Variants in OPLAH observed in about 807,000 individuals in gnomAD.
OPLAH encodes 5-oxoprolinase, ATP-hydrolysing, also known as 5-oxoprolinase.
OPLAH carries 103 observed loss-of-function variants against 122.8 expected under a neutral mutation model. That is an observed-to-expected ratio of 0.84 (90% CI 0.71 to 0.99). The LOEUF (loss-of-function observed/expected upper bound fraction) is 0.99. Ranked by LOEUF, OPLAH falls within the 50% of genes least tolerant of loss-of-function variation. OPLAH has a pLI of 0.00. For synonymous variants in OPLAH, 875 were observed against 796.0 expected, an observed-to-expected ratio of 1.10 and a Z score of -1.67; for missense variants, 1,902 against 1,836.5, an observed-to-expected ratio of 1.04 and a Z score of -0.65.
At position 144,053,112 on chromosome 8, in the gene OPLAH, G is replaced by A. The variant is rs1433268947; in HGVS notation, c.2889C>T (p.Ala963=). ...MGHIQANAEL[A]VRDMLRAFGT... is the part of the protein sequence containing the mutation. ...CAAAGGCACGCAACATGTCTCGCAC[G>A]GCCAGCTCAGCGTTTGCCTGGCAGG... is the stretch of plus-strand genomic sequence containing the variant. The change falls in exon 21 of 27, where the codon GCC becomes GCT. Residue 963 remains alanine (A), a synonymous_variant. Coordinates refer to ENST00000618853, the MANE Select transcript of OPLAH (RefSeq NM_017570.5). The A allele has an allele frequency of 3.2e-5, 51 of 1,606,390 alleles. No individual in the cohort carries two copies. The highest frequency in any genetic ancestry group is 6.7e-5 in the African/African-American group (5 of 74,734).
At position 144,057,280 on chromosome 8, in the gene OPLAH, A is replaced by C. The variant is rs782712170; in HGVS notation, c.1463T>G (p.Phe488Cys). The change falls in exon 11 of 27, where the codon TTT becomes TGT. Residue 488 changes from phenylalanine to cysteine, a missense_variant. Physicochemically the swap from Phe to Cys is radical, Grantham distance 205 (BLOSUM62 -2). Around this residue, in one of 3 missense-constraint regions of OPLAH, gnomAD observed 1,726 missense variants for 1,642.1 expected, o/e 1.05. Coordinates refer to ENST00000618853, the MANE Select transcript of OPLAH (RefSeq NM_017570.5). The part of the protein sequence containing the change: ...HDPSAHVLAC[F>C]GGAGGQHACA... Reference sequence around the variant, plus strand: ...TGCATGCTGCCCACCAGCTCCCCCAAAGCAGGCCAGCACATGGGCTGAGGG... The same window carrying C: ...TGCATGCTGCCCACCAGCTCCCCCACAGCAGGCCAGCACATGGGCTGAGGG... The C allele has an allele frequency of 6.2e-7, 1 of 1,612,392 alleles. No individual in the cohort carries two copies. The highest frequency in any genetic ancestry group is 1.1e-5 in the South Asian group (1 of 91,038).
Position 144,058,105 on chromosome 8 carries a change from G to T in OPLAH, c.993C>A (p.His331Gln), listed in dbSNP as rs555485437. ...CGCCAGCTGTGCTGGCCTCGAAGAC[G>T]TGCTCGAATTCCCCAGCATAGCGGC... ...DVSRYAGEFE[H>Q]VFEASTAGVT... is the part of the protein sequence containing the mutation. Residue 331 changes from histidine to glutamine, a missense_variant, in exon 8 of 27, where the codon CAC becomes CAA. Transcript: ENST00000618853. 6.2e-7 allele frequency: 1 copy of T among 1,612,548 alleles called. No individual in the cohort carries two copies. The highest frequency in any genetic ancestry group is 8.5e-7 in the Non-Finnish European group (1 of 1,179,824).
rs572402707 is a variant in OPLAH at position 144,058,991 on chromosome 8, G to A, written c.452C>T (p.Thr151Met). Residue 151 changes from threonine (T) to methionine (M), a missense_variant, in exon 4 of 27, where the codon ACG (threonine) becomes ATG (methionine). By Grantham distance (81) the Thr-to-Met change is moderately conservative. Transcript: ENST00000618853. ...GGCGGCACACACACCTTTCACAGGC[G>A]TCCCGGTGCCCGCCTCTCCACGGTG... ...VLHRGEAGTG[T>M]PVKGRTGDLL... 1.4e-5 allele frequency: 22 copies of A among 1,564,516 alleles called. No individual in the cohort carries two copies. The highest frequency in any genetic ancestry group is 1.7e-4 in the Middle Eastern group (1 of 6,006).
downstream of OPLAH, chr8:144,051,075 C>A (rs1306662762): frequency 1.5e-6 from 2 of 1,329,108 alleles, no homozygotes; most frequent in Non-Finnish European, 1.9e-6. Flanking sequence ...GCTGGGCCTG[C>A]GGCACTGGGA....
At chr8:144,051,000 C>T (rs1835359483), downstream of OPLAH, 2 of 1,107,536 alleles carry the variant, frequency 1.8e-6, no homozygotes, top group African/African-American at 1.6e-5. Context: ...CGGCAGAAGC[C>T]GCCGAGCTAA....
Position 144,057,469 on chromosome 8 carries a change from C to A in OPLAH, c.1401G>T (p.Arg467=). The change falls in exon 10 of 27, where the codon CGG becomes CGT. Residue 467 remains arginine (R), a synonymous_variant. Coordinates refer to ENST00000618853, the MANE Select transcript of OPLAH (RefSeq NM_017570.5). The part of the protein sequence containing the change: ...FVRVANEAMC[R]PIRALTQARG... ...GTACCTGCGTGAGTGCACGGATGGG[C>A]CGGCACATGGCCTCGTTGGCCACGC... 2 of 1,590,134 alleles carry A rather than the reference C, an allele frequency of 1.3e-6. No individual in the cohort carries two copies. Among genetic ancestry groups the A allele is most frequent in the Non-Finnish European group, 1.7e-6 (2 of 1,168,690 alleles).
At chr8:144,054,997 G>A in intron 17 of OPLAH, 32 bp downstream of exon 17, 3 of 1,184,734 alleles carry the variant, frequency 2.5e-6, no homozygotes, top group African/African-American at 1.6e-5. Context: ...GTGAGGGAGG[G>A]GGATGGAAGG....
rs1554758453 is a variant in OPLAH at position 144,054,583 on chromosome 8, CT to C, written c.2663del (p.Gln888ArgfsTer10). The C allele has an allele frequency of 6.3e-7, 1 of 1,596,968 alleles. No individual in the cohort carries two copies. The highest frequency in any genetic ancestry group is 8.6e-7 in the Non-Finnish European group (1 of 1,167,458). ...GAVFLSFKLVQGGVFQEEAVT... is the reference protein window; with the variant it reads ...GAVFLSFKLVXGGVFQEEAVT... Reference sequence around the variant, plus strand: ...CACCCTCCTCCTGGAAGACGCCCCCCTGGACAAGTTTGAAGGACAGAAAGAC... The same window carrying C: ...CACCCTCCTCCTGGAAGACGCCCCCCGGACAAGTTTGAAGGACAGAAAGAC... On this transcript the variant is annotated frameshift_variant, in exon 19 of 27. Coordinates refer to ENST00000618853, the MANE Select transcript of OPLAH (RefSeq NM_017570.5). LOFTEE classifies it high-confidence loss of function.
In OPLAH at chr8:144,051,482, CGGGGG is replaced by C; in HGVS notation, c.3721-15_3721-11del. 6 of 278,076 alleles carry C rather than the reference CGGGGG, an allele frequency of 2.2e-5. No individual in the cohort carries two copies. The highest frequency in any genetic ancestry group is 3.0e-5 in the Non-Finnish European group (6 of 197,684). 17.2% of individuals were successfully genotyped at this position (278,076 alleles called of 1,614,324 possible). Reference sequence around the variant, plus strand: ...GGAGACAGAACACATCCTGTTGGCGCGGGGGGGGGCGGGGAGGCGGGCTCAGTGCA... The same window carrying C: ...GGAGACAGAACACATCCTGTTGGCGCGGGGCGGGGAGGCGGGCTCAGTGCA... On this transcript the variant is annotated splice_polypyrimidine_tract_variant and intron_variant, in intron 26 of 26. Coordinates refer to ENST00000618853, the MANE Select transcript of OPLAH (RefSeq NM_017570.5).
rs763889831 is a variant in OPLAH at position 144,055,959 on chromosome 8, G to C, written c.2097-20C>G. On this transcript the variant is annotated intron_variant, in intron 15 of 26. Coordinates refer to ENST00000618853, the MANE Select transcript of OPLAH (RefSeq NM_017570.5). The surrounding 1 kb of genome is among the most constrained non-coding windows in gnomAD (Gnocchi z 6.5). ...ATGGTGCTGGGGAGCAGAGGGCACA[G>C]AGGGCTGCATGGGGCCAGGCGACAC... 66 of 1,552,328 alleles carry C rather than the reference G, an allele frequency of 4.3e-5. No individual in the cohort carries two copies. Among genetic ancestry groups the C allele is most frequent in the Non-Finnish European group, 2.6e-5 (30 of 1,145,934 alleles).
downstream of OPLAH, chr8:144,050,708 G>A (rs1554757478): frequency 1.0e-5 from 10 of 985,650 alleles, no homozygotes; most frequent in African/African-American, 3.5e-5. Context: ...ATCGTGCTTA[G>A]GGGGAGGGTA....
chr8:144,053,031 C>T lies in OPLAH; in HGVS notation c.2970G>A (p.Met990Ile). ...GGAGGCGGATGGGGGAACCGTCGTC[C>T]ATGTGGTCTTCCGAGGACACCTCCA... ...LPLEVSSEDH[M>I]DDGSPIRLRV... is the part of the protein sequence containing the mutation. The change falls in exon 21 of 27, where the codon ATG becomes ATA. Residue 990 changes from methionine to isoleucine, a missense_variant. By Grantham distance (10) the Met-to-Ile change is conservative. Around this residue, in one of 3 missense-constraint regions of OPLAH, gnomAD observed 1,726 missense variants for 1,642.1 expected, o/e 1.05. Coordinates refer to ENST00000618853, the MANE Select transcript of OPLAH (RefSeq NM_017570.5). The T allele has an allele frequency of 6.2e-7, 1 of 1,603,674 alleles. No homozygotes were observed. The highest frequency in any genetic ancestry group is 1.7e-5 in the Admixed American group (1 of 58,500).
chr8:144,061,733 G>T (rs1835667562), upstream of OPLAH, among the ~76,000 whole-genome samples: 1 of 152,082 alleles, frequency 6.6e-6, no homozygotes. Context: ...CCATAAAAAT[G>T]GGCAACCGGC....
At position 144,055,820 on chromosome 8, in the gene OPLAH, G is replaced by T. The variant is rs1187606496; in HGVS notation, c.2216C>A (p.Ser739Tyr). 1.3e-6 allele frequency: 2 copies of T among 1,562,448 alleles called. No homozygotes were observed. The highest frequency in any genetic ancestry group is 2.7e-5 in the African/African-American group (2 of 73,370). ...GCTCATGAAGCGGTGTGAGAAGATG[G>T]ACAGCTGGATAGGGTCCAGCTGGGG... ...VGPQLDPIQLSIFSHRFMSIA... is the reference protein window; with the variant it reads ...VGPQLDPIQLYIFSHRFMSIA... Residue 739 changes from serine to tyrosine, a missense_variant, in exon 16 of 27, where the codon TCC becomes TAC. Ser to Tyr is a moderately radical substitution (Grantham distance 144). Around this residue, in one of 3 missense-constraint regions of OPLAH, gnomAD observed 1,726 missense variants for 1,642.1 expected, o/e 1.05. Transcript: ENST00000618853. The surrounding 1 kb of genome is among the most constrained non-coding windows in gnomAD (Gnocchi z 6.5).
At position 144,056,211 on chromosome 8, in the gene OPLAH, G is replaced by A. The variant is rs868980053; in HGVS notation, c.2032C>T (p.Leu678=). The A allele has an allele frequency of 6.2e-7, 1 of 1,612,124 alleles. No individual in the cohort carries two copies. Among genetic ancestry groups the A allele is most frequent in the Non-Finnish European group, 8.5e-7 (1 of 1,179,350 alleles). ...EGGYQETPVY[L]LAELGYGHKL... The stretch of plus-strand genomic sequence containing the variant: ...TGCCCATAGCCCAGCTCTGCCAGCA[G>A]GTACACAGGGGTCTCCTGGTAGCCC... Residue 678 remains leucine (L), a synonymous_variant, in exon 15 of 27, where the codon CTG becomes TTG. Coordinates refer to ENST00000618853, the MANE Select transcript of OPLAH (RefSeq NM_017570.5).
intron 17 of OPLAH, 48 bp downstream of exon 17, chr8:144,054,977 GGGGT>G: frequency 9.6e-7 from 1 of 1,046,360 alleles, no homozygotes; most frequent in Non-Finnish European, 1.3e-6. Flanking sequence ...GGGTGGGGGG[GGGGT>G]GGAGGGTGAG....
At chr8:144,051,631 ACT>A in intron 26 of OPLAH, 96 bp downstream of exon 26, 1 of 1,185,736 alleles carries the variant, frequency 8.4e-7, no homozygotes, top group Non-Finnish European at 1.2e-6. Context: ...GCCAAATTAA[ACT>A]CGGCCTCTGG....
chr8:144,060,006 G>A lies in OPLAH; in HGVS notation c.27C>T (p.His9=). 1 of 1,612,640 alleles carries A rather than the reference G, an allele frequency of 6.2e-7. No individual in the cohort carries two copies. The highest frequency in any genetic ancestry group is 1.1e-5 in the South Asian group (1 of 91,078). MGSPEGRF[H]FAIDRGGTFT... is the part of the protein sequence containing the mutation. ...AGGTACCCCCACGGTCGATGGCAAA[G>A]TGGAAGCGGCCCTCGGGGCTGCCCA... is the stretch of plus-strand genomic sequence containing the variant. Residue 9 remains histidine, a synonymous_variant, in exon 2 of 27, where the codon CAC becomes CAT. Transcript: ENST00000618853.
chr8:144,050,672 GC>G, downstream of OPLAH: 4 of 984,974 alleles, frequency 4.1e-6, 1 homozygote, highest in South Asian at 1.9e-4. Flanking sequence ...CTGGGCACGC[GC>G]CAAGAGCAGC....
Sources: allele counts gnomAD v4.1 joint callset (sites outside exome capture counted in the v4.1 genomes callset), GRCh38; gene constraint gnomAD v4.1.1; regional missense constraint gnomAD v4.1.1; non-coding constraint Gnocchi (gnomAD v3.1); transcripts MANE v1.5; gene names NCBI Gene and HGNC (gene_info 2026-07-23, HGNC 2026-07-21).